The following AGO1 variants were observed in gnomAD, a reference collection of about 807,000 sequenced individuals.
The protein encoded by AGO1 is argonaute RISC component 1.
AGO1 carries 11 observed loss-of-function variants against 109.2 expected under a neutral mutation model. The ratio of observed to expected loss-of-function variants is 0.10; its 90% CI spans 0.06 to 0.17. AGO1 has a LOEUF of 0.17. AGO1 is among the 10% of genes least tolerant of loss of function. The pLI is 1.00. For missense variants in AGO1, 574 were observed against 1,140.3 expected, an observed-to-expected ratio of 0.50 and a Z score of 7.15; for synonymous variants, 422 against 418.6, an observed-to-expected ratio of 1.01 and a Z score of -0.10.
rs2148731378 is a variant in AGO1 at position 35,927,923 on chromosome 1, T to A, written c.*8316T>A. 1 of 152,310 alleles carries A rather than the reference T, an allele frequency of 6.6e-6. No homozygotes were observed. The highest frequency in any genetic ancestry group is 2.4e-5 in the African/African-American group (1 of 41,574). 9.4% of individuals were successfully genotyped at this position (152,310 alleles called of 1,614,324 possible). A position where few individuals can be genotyped will look rare whatever the true frequency, so the allele number is the denominator to read the frequency against. Reference sequence around the variant, plus strand: ...CTTTCTACCTTGTAGAAACTGATGGTCTAGGAGAAGAGATTTGAACTCAGG... The same window carrying A: ...CTTTCTACCTTGTAGAAACTGATGGACTAGGAGAAGAGATTTGAACTCAGG... On this transcript the variant is annotated 3_prime_UTR_variant, in exon 19 of 19. Transcript: ENST00000373204.
chr1:35,911,689 T>C (rs1229707083), intron 12 of AGO1, among the ~76,000 whole-genome samples: 4 of 152,230 alleles, frequency 2.6e-5, no homozygotes, highest in African/African-American at 9.6e-5. Context: ...ATCTCTTCCA[T>C]TGAAAGCATA....
intron 1 of AGO1, among the ~76,000 whole-genome samples, chr1:35,884,286 A>G (rs558875933): frequency 6.6e-6 from 1 of 150,796 alleles, no homozygotes; most frequent in East Asian, 1.9e-4. Context: ...TGCCACAGGA[A>G]AGACTGGGAC....
In AGO1 at chr1:35,919,576, A is replaced by G; in HGVS notation, c.2543A>G (p.Gln848Arg). 2 of 1,614,174 alleles carry G rather than the reference A, an allele frequency of 1.2e-6. No individual in the cohort carries two copies. Among genetic ancestry groups the G allele is most frequent in the Non-Finnish European group, 1.7e-6 (2 of 1,180,022 alleles). ...QALAKAVQVHQDTLRTMYFA is the reference protein window; with the variant it reads ...QALAKAVQVHRDTLRTMYFA Reference sequence around the variant, plus strand: ...CTGGCCAAAGCCGTGCAGGTTCACCAGGATACTCTGCGCACCATGTACTTC... The same window carrying G: ...CTGGCCAAAGCCGTGCAGGTTCACCGGGATACTCTGCGCACCATGTACTTC... The change falls in exon 19 of 19, where the codon CAG becomes CGG. Residue 848 changes from glutamine to arginine, a missense_variant. Gln to Arg is a conservative substitution (Grantham distance 43, BLOSUM62 1). Transcript: ENST00000373204. This position sits in a 1 kb window ranked among gnomAD's most constrained non-coding sequence, Gnocchi z 6.6.
chr1:35,901,460 T>C lies in AGO1; in HGVS notation c.1021-14T>C. 3.1e-6 allele frequency: 5 copies of C among 1,613,850 alleles called. No homozygotes were observed. Among genetic ancestry groups the C allele is most frequent in the Admixed American group, 1.7e-5 (1 of 60,016 alleles). ...TACTCAAGCCAGAGCTACCTGTCCT[T>C]CTTGTTTCCTCAGGTCTGTAACATT... On this transcript the variant is annotated splice_polypyrimidine_tract_variant and intron_variant, in intron 8 of 18. Coordinates refer to ENST00000373204, the MANE Select transcript of AGO1 (RefSeq NM_012199.5). The surrounding 1 kb of genome is among the most constrained non-coding windows in gnomAD (Gnocchi z 4.8).
At chr1:35,886,528 C>G (rs1033070675) in intron 1 of AGO1, among the ~76,000 whole-genome samples, 3 of 151,962 alleles carry the variant, frequency 2.0e-5, no homozygotes, top group Admixed American at 6.6e-5. Context: ...TCTGTCCCAT[C>G]CCCCATCATT....
intron 15 of AGO1, among the ~76,000 whole-genome samples, chr1:35,915,812 C>T (rs1299392339): frequency 1.3e-5 from 2 of 152,184 alleles, no homozygotes; most frequent in Non-Finnish European, 2.9e-5. Flanking sequence ...TTCTCAAATG[C>T]TAGCTTACAT....
At chr1:35,911,493 G>T (rs1414859567) in intron 12 of AGO1, among the ~76,000 whole-genome samples, 8 of 151,794 alleles carry the variant, frequency 5.3e-5, no homozygotes, top group Non-Finnish European at 1.0e-4. Context: ...TCACCTCTGA[G>T]ATTTTTTTTT....
chr1:35,906,283 A>T (rs1489801478), intron 11 of AGO1, among the ~76,000 whole-genome samples: 1 of 152,220 alleles, frequency 6.6e-6, no homozygotes, highest in Non-Finnish European at 1.5e-5. Flanking sequence ...TGCTTTGAGC[A>T]GAAAGGCCTT....
upstream of AGO1, chr1:35,883,086 G>A (rs993773026): frequency 1.5e-4 from 153 of 1,050,542 alleles, no homozygotes; most frequent in Non-Finnish European, 1.7e-4. The surrounding 1 kb of genome is among the most constrained non-coding windows in gnomAD (Gnocchi z 5.4). Flanking sequence ...ACGGGTGACC[G>A]CCAGGGGCCG....
rs541524905 is a variant in AGO1, at chr1:35,886,872, GAT to G, written c.26-1551_26-1550del. Among the ~76,000 whole-genome samples the G allele has an allele frequency of 2.7e-3, 411 of 152,288 alleles. 3 individuals carry two copies. Among genetic ancestry groups the G allele is most frequent in the African/African-American group, 8.9e-3 (369 of 41,560 alleles). On this transcript the variant is annotated intron_variant, in intron 1 of 18. Transcript: ENST00000373204. ...TGGAAATTAAACAGTGACCAAGGCAGATATAGTCCCTGCCTTTGAAGAACTCA... is the reference window on the plus strand; with the variant it reads ...TGGAAATTAAACAGTGACCAAGGCAGATAGTCCCTGCCTTTGAAGAACTCA...
chr1:35,911,078 A>T (rs182314288), intron 12 of AGO1, among the ~76,000 whole-genome samples: 1,562 of 152,302 alleles, frequency 0.01, 17 homozygotes, highest in South Asian at 0.039. Context: ...AAGAAAAAAA[A>T]AATAATAATA....
chr1:35,898,258 ATCT>A (rs1645353646), intron 8 of AGO1, among the ~76,000 whole-genome samples: 1 of 149,434 alleles, frequency 6.7e-6, no homozygotes, highest in African/African-American at 2.4e-5. Flanking sequence ...AATGTTTAAC[ATCT>A]TTTTTTTTTT....
At position 35,919,783 on chromosome 1, in the gene AGO1, C is replaced by T. The variant is rs372514513; in HGVS notation, c.*176C>T. On this transcript the variant is annotated 3_prime_UTR_variant, in exon 19 of 19. Coordinates refer to ENST00000373204, the MANE Select transcript of AGO1 (RefSeq NM_012199.5). The surrounding 1 kb of genome is among the most constrained non-coding windows in gnomAD (Gnocchi z 6.6). Reference sequence around the variant, plus strand: ...TGGGGAACAGGGCCAGCAAGACAGACCACCAGCCAGAAATCTCTGATATCA... The same window carrying T: ...TGGGGAACAGGGCCAGCAAGACAGATCACCAGCCAGAAATCTCTGATATCA... 12 of 590,736 alleles carry T rather than the reference C, an allele frequency of 2.0e-5. No homozygotes were observed. The African/African-American group carries it at 2.2e-4, about 11-fold the overall frequency. 36.6% of individuals were successfully genotyped at this position (590,736 alleles called of 1,614,324 possible). A position where few individuals can be genotyped will look rare whatever the true frequency, so the allele number is the denominator to read the frequency against.
intron 14 of AGO1, 136 bp from the exon 15 acceptor site, chr1:35,915,212 T>C (rs1645712979): frequency 3.0e-6 from 2 of 660,886 alleles, no homozygotes; most frequent in Non-Finnish European, 5.1e-6. Context: ...GAATAGAGAT[T>C]GAAACCAGGG....
At chr1:35,913,632 C>G (rs997352584) in intron 12 of AGO1, among the ~76,000 whole-genome samples, 2 of 152,024 alleles carry the variant, frequency 1.3e-5, no homozygotes, top group Admixed American at 6.6e-5. Flanking sequence ...TGTTATTGTT[C>G]CATGAAGTTT....
intron 3 of AGO1, 78 bp downstream of exon 3, chr1:35,892,755 C>A: frequency 6.3e-7 from 1 of 1,587,610 alleles, no homozygotes; most frequent in South Asian, 1.1e-5. Flanking sequence ...TTTGGAGATC[C>A]AGAGATCCTT....
chr1:35,913,449 A>G (rs1255623504), intron 12 of AGO1, among the ~76,000 whole-genome samples: 1 of 152,124 alleles, frequency 6.6e-6, no homozygotes, highest in African/African-American at 2.4e-5. Context: ...TTTCTCAAAC[A>G]CATCTTGCTG....
chr1:35,907,706 A>G (rs1461775786), intron 12 of AGO1, among the ~76,000 whole-genome samples: 3 of 152,126 alleles, frequency 2.0e-5, no homozygotes, highest in African/African-American at 7.2e-5. Context: ...CTTATTCCCA[A>G]CCCATCCTGC....
intron 1 of AGO1, among the ~76,000 whole-genome samples, chr1:35,876,661 A>G (rs1310423117): frequency 6.6e-6 from 1 of 152,238 alleles, no homozygotes; most frequent in East Asian, 1.9e-4. Flanking sequence ...TGTCAACAAT[A>G]TATTTAGAAT....
Sources: allele counts gnomAD v4.1 joint callset (sites outside exome capture counted in the v4.1 genomes callset), GRCh38; gene constraint gnomAD v4.1.1; non-coding constraint Gnocchi (gnomAD v3.1); transcripts MANE v1.5; gene names NCBI Gene and HGNC (gene_info 2026-07-23, HGNC 2026-07-21).